The following MACROH2A2 variants were observed in gnomAD, a reference collection of about 807,000 sequenced individuals.
The protein encoded by MACROH2A2 is core histone macro-H2A.2.
MACROH2A2 carries 6 observed loss-of-function variants against 37.6 expected under a neutral mutation model. The observed-to-expected ratio is 0.16, with a 90% CI of 0.09 to 0.32. MACROH2A2 has a LOEUF of 0.32. Ranked by LOEUF, MACROH2A2 falls within the 10% of genes least tolerant of loss-of-function variation. MACROH2A2 has a pLI of 1.00. For synonymous variants in MACROH2A2, 192 were observed against 202.7 expected (o/e 0.95, Z 0.45); for missense variants, 290 against 485.9 (o/e 0.60, Z 3.79).
chr10:70,101,627 C>G (rs1039277456), intron 7 of MACROH2A2, among the ~76,000 whole-genome samples: 1 of 151,716 alleles, frequency 6.6e-6, no homozygotes, highest in South Asian at 2.1e-4. Flanking sequence ...TTTCCCCCAA[C>G]AAACCCCCTA....
At chr10:70,102,188 G>A (rs1365355292) in intron 7 of MACROH2A2, among the ~76,000 whole-genome samples, 3 of 152,236 alleles carry the variant, frequency 2.0e-5, no homozygotes, top group African/African-American at 7.2e-5. Flanking sequence ...GAGGACTGCA[G>A]TGAGGCTGTG....
At chr10:70,105,334 AC>A (rs1439834658) in intron 7 of MACROH2A2, among the ~76,000 whole-genome samples, 1 of 152,100 alleles carries the variant, frequency 6.6e-6, no homozygotes, top group Non-Finnish European at 1.5e-5. Context: ...CCAGGCGGGG[AC>A]CCCAGGGTAA....
intron 2 of MACROH2A2, among the ~76,000 whole-genome samples, chr10:70,082,229 G>A (rs1281596272): frequency 1.3e-5 from 2 of 152,094 alleles, no homozygotes; most frequent in African/African-American, 4.8e-5. Context: ...AGACCAGCCT[G>A]ACCAACATGG....
intron 1 of MACROH2A2, among the ~76,000 whole-genome samples, chr10:70,058,520 G>A (rs925621702): frequency 2.6e-5 from 4 of 152,124 alleles, no homozygotes; most frequent in Non-Finnish European, 5.9e-5. Flanking sequence ...GATGATAAGA[G>A]TTTAGATGCC....
intron 2 of MACROH2A2, among the ~76,000 whole-genome samples, chr10:70,079,550 TTC>T (rs2072160976): frequency 2.8e-5 from 3 of 108,832 alleles, no homozygotes; most frequent in Non-Finnish European, 5.6e-5. Context: ...ACGTTGAGGG[TTC>T]GCGCGCGCGC....
intron 1 of MACROH2A2, among the ~76,000 whole-genome samples, chr10:70,055,099 C>T (rs1198085621): frequency 6.6e-6 from 1 of 152,206 alleles, no homozygotes; most frequent in Admixed American, 6.5e-5. Flanking sequence ...TGCCATTTCC[C>T]AGTGGGTGGG....
At chr10:70,071,250 TGACAACCA>T (rs1026745841) in intron 1 of MACROH2A2, among the ~76,000 whole-genome samples, 4 of 152,144 alleles carry the variant, frequency 2.6e-5, no homozygotes, top group African/African-American at 9.7e-5. Flanking sequence ...GGTGGTTTCT[TGACAACCA>T]GACTTAGTAA....
chr10:70,077,669 A>G (rs2072147810), intron 2 of MACROH2A2, among the ~76,000 whole-genome samples: 1 of 152,280 alleles, frequency 6.6e-6, no homozygotes, highest in Non-Finnish European at 1.5e-5. Flanking sequence ...CAGGAGATCG[A>G]GACCATCCTA....
chr10:70,109,303 G>A, intron 8 of MACROH2A2, 96 bp downstream of exon 8: 1 of 997,796 alleles, frequency 1.0e-6, no homozygotes, highest in Non-Finnish European at 1.6e-6. Flanking sequence ...GCCAAGGGCT[G>A]CCAGCACAGC....
intron 6 of MACROH2A2, among the ~76,000 whole-genome samples, chr10:70,096,903 C>T (rs1365232091): frequency 3.3e-5 from 5 of 152,174 alleles, no homozygotes; most frequent in African/African-American, 4.8e-5. Flanking sequence ...AACAGGTCTC[C>T]TTCCACTCTC....
chr10:70,095,751 T>C lies in MACROH2A2; in HGVS notation c.686T>C (p.Ile229Thr). 6.7e-7 allele frequency: 1 copy of C among 1,490,550 alleles called. No homozygotes were observed. The highest frequency in any genetic ancestry group is 9.4e-7 in the Non-Finnish European group (1 of 1,067,074). The allele number at this position is 1,490,550 out of a possible 1,614,324, so 92.3% of individuals were successfully genotyped here. Residue 229 changes from isoleucine to threonine, a missense_variant and splice_region_variant, in exon 6 of 9, where the codon ATA (isoleucine) becomes ACA (threonine). Ile to Thr is a moderately conservative substitution (Grantham distance 89, BLOSUM62 -1). This residue lies in a region of MACROH2A2 where 130 missense variants were observed against 257.1 expected (regional missense o/e 0.51). Transcript: ENST00000373255. ...GCCGAAATTGACCTCAAAGAAGATA[T>C]AGGTAAGGTCCTGAGACTTCAGTAG... is the stretch of plus-strand genomic sequence containing the variant. ...TTAEIDLKED[I>T]GKALEKAGGK...
chr10:70,061,836 C>T (rs2072052044), intron 1 of MACROH2A2, among the ~76,000 whole-genome samples: 2 of 152,134 alleles, frequency 1.3e-5, no homozygotes, highest in East Asian at 1.9e-4. Flanking sequence ...GATGAAATTG[C>T]ATTTGATATA....
intron 7 of MACROH2A2, among the ~76,000 whole-genome samples, chr10:70,104,669 CTG>C (rs372424342): frequency 4.6e-5 from 7 of 152,138 alleles, no homozygotes; most frequent in African/African-American, 1.7e-4. Flanking sequence ...GAGTGAAACT[CTG>C]TGTCTAAAAA....
At chr10:70,079,563 G>GCGCGCGCGCGCA (rs1554822094) in intron 2 of MACROH2A2, among the ~76,000 whole-genome samples, 1 of 63,178 alleles carries the variant, frequency 1.6e-5, no homozygotes, top group African/African-American at 5.7e-5. Flanking sequence ...GCGCGCGCGC[G>GCGCGCGCGCGCA]CGCACACACA....
In MACROH2A2 at chr10:70,107,391, C is replaced by T. The variant is rs993711361; in HGVS notation, c.779-1642C>T. Among the ~76,000 whole-genome samples, 1 of 152,218 alleles carries T rather than the reference C, an allele frequency of 6.6e-6. No individual in the cohort carries two copies. Among genetic ancestry groups the T allele is most frequent in the Non-Finnish European group, 1.5e-5 (1 of 68,038 alleles). ...CCCCACACACAGCTCTGGAATACGG[C>T]GGACACACGTTTCTGTTACAAGTGC... On this transcript the variant is annotated intron_variant, in intron 7 of 8. Coordinates refer to ENST00000373255, the MANE Select transcript of MACROH2A2 (RefSeq NM_018649.3). The surrounding 1 kb of genome is among the most constrained non-coding windows in gnomAD (Gnocchi z 4.4).
chr10:70,061,598 C>T (rs934102585), intron 1 of MACROH2A2, among the ~76,000 whole-genome samples: 5 of 152,116 alleles, frequency 3.3e-5, no homozygotes, highest in African/African-American at 1.2e-4. Flanking sequence ...CCCTTAAATG[C>T]CCCTACCCCT....
chr10:70,078,772 G>A (rs955275880), intron 2 of MACROH2A2, among the ~76,000 whole-genome samples: 2 of 152,214 alleles, frequency 1.3e-5, no homozygotes, highest in Non-Finnish European at 2.9e-5. Context: ...GAGACAAGGT[G>A]TTTTAATCCA....
At chr10:70,086,966 G>A (rs1326743710) in intron 2 of MACROH2A2, among the ~76,000 whole-genome samples, 1 of 152,164 alleles carries the variant, frequency 6.6e-6, no homozygotes, top group Non-Finnish European at 1.5e-5. Context: ...TGAGGTAGGA[G>A]GACCACTTAA....
At chr10:70,111,434 C>T (rs1589843279) in intron 8 of MACROH2A2, 84 bp from the exon 9 acceptor site, 2 of 1,225,624 alleles carry the variant, frequency 1.6e-6, no homozygotes, top group East Asian at 2.3e-5. Context: ...AGCAAGGCCC[C>T]ACCCAGTAAA....
Sources: allele counts gnomAD v4.1 joint callset (sites outside exome capture counted in the v4.1 genomes callset), GRCh38; gene constraint gnomAD v4.1.1; regional missense constraint gnomAD v4.1.1; non-coding constraint Gnocchi (gnomAD v3.1); transcripts MANE v1.5; gene names NCBI Gene and HGNC (gene_info 2026-07-23, HGNC 2026-07-21).